The following THTPA variants were observed in gnomAD, a reference collection of about 807,000 sequenced individuals.
THTPA encodes thiamine-triphosphatase.
THTPA carries 16 observed loss-of-function variants against 16.5 expected under a neutral mutation model. That is an observed-to-expected ratio of 0.97 (90% CI 0.66 to 1.47). The LOEUF is 1.47. THTPA is among the 40% of genes most tolerant of loss of function. The pLI is 0.00. For missense variants in THTPA, 281 were observed against 280.9 expected (o/e 1.00, Z 0.00); for synonymous variants, 110 against 115.5 (o/e 0.95, Z 0.30).
the THTPA span, among the ~76,000 whole-genome samples, chr14:23,546,829 G>A: frequency 2.0e-5 from 3 of 152,124 alleles, no homozygotes; most frequent in African/African-American, 4.8e-5. The surrounding 1 kb of genome is among the most constrained non-coding windows in gnomAD (Gnocchi z 4.7). Flanking sequence ...ACTCCGTGGC[G>A]GTGGCTGACA....
At chr14:23,529,717 T>A in the THTPA span, 4 of 1,536,236 alleles carry the variant, frequency 2.6e-6, no homozygotes, top group Non-Finnish European at 3.5e-6. Flanking sequence ...GACCGTGGTC[T>A]GGTTGGCACT....
the THTPA span, among the ~76,000 whole-genome samples, chr14:23,545,699 C>T: frequency 6.6e-6 from 1 of 152,228 alleles, no homozygotes; most frequent in East Asian, 1.9e-4. Flanking sequence ...CATCTGTGGC[C>T]CAAGCAGACC....
the THTPA span, chr14:23,533,582 G>A: frequency 1.5e-5 from 23 of 1,536,500 alleles, no homozygotes; most frequent in African/African-American, 1.5e-4. The surrounding 1 kb of genome is among the most constrained non-coding windows in gnomAD (Gnocchi z 4.8). Context: ...CGCAGGTTAC[G>A]GGAGATGTTT....
At chr14:23,546,151 C>A in the THTPA span, among the ~76,000 whole-genome samples, 1 of 152,324 alleles carries the variant, frequency 6.6e-6, no homozygotes, top group South Asian at 2.1e-4. This position sits in a 1 kb window ranked among gnomAD's most constrained non-coding sequence, Gnocchi z 4.7. Flanking sequence ...ACCAGACTCT[C>A]CATGCATAAA....
At chr14:23,524,615 A>ATGG in the THTPA span, 3 of 1,536,210 alleles carry the variant, frequency 2.0e-6, no homozygotes, top group Non-Finnish European at 2.6e-6. This position sits in a 1 kb window ranked among gnomAD's most constrained non-coding sequence, Gnocchi z 5.6. Context: ...GGAGAAAGAA[A>ATGG]TGGCACACTG....
chr14:23,522,460 G>A, the THTPA span: 6 of 1,536,062 alleles, frequency 3.9e-6, no homozygotes, highest in Admixed American at 9.8e-5. Flanking sequence ...TGGGCTCAGG[G>A]GGCTGGGGTG....
At chr14:23,522,120 G>T in the THTPA span, 2 of 1,532,150 alleles carry the variant, frequency 1.3e-6, no homozygotes, top group East Asian at 2.4e-5. Context: ...GCTGCCTTGC[G>T]CCTGTGGGCC....
chr14:23,538,922 C>T, the THTPA span, among the ~76,000 whole-genome samples: 1,143 of 152,130 alleles, frequency 7.5e-3, 11 homozygotes, highest in African/African-American at 0.026. Flanking sequence ...GTCAATAAAA[C>T]GAGAGGATCA....
At chr14:23,520,121 G>C in the THTPA span, among the ~76,000 whole-genome samples, 2 of 152,202 alleles carry the variant, frequency 1.3e-5, no homozygotes, top group Non-Finnish European at 2.9e-5. The surrounding 1 kb of genome is among the most constrained non-coding windows in gnomAD (Gnocchi z 8.7). Flanking sequence ...TCTAGGTTCT[G>C]TTGGTTCCCT....
At chr14:23,521,879 G>A in the THTPA span, 3 of 1,509,650 alleles carry the variant, frequency 2.0e-6, no homozygotes, top group South Asian at 1.3e-5. Context: ...GTGGGGTGAG[G>A]GATTTGAGCT....
chr14:23,544,829 T>G, the THTPA span, among the ~76,000 whole-genome samples: 1 of 152,168 alleles, frequency 6.6e-6, no homozygotes, highest in Non-Finnish European at 1.5e-5. Context: ...GTTCTTTCCC[T>G]CCGGCTCGCC....
the THTPA span, chr14:23,531,905 T>C: frequency 5.3e-6 from 4 of 751,760 alleles, no homozygotes; most frequent in Non-Finnish European, 5.4e-6. Flanking sequence ...GCCTCCCGAG[T>C]AGCTGGGATT....
At chr14:23,558,496 C>T (rs534618998) in intron 1 of THTPA, among the ~76,000 whole-genome samples, 199 bp from the exon 2 acceptor site, 4 of 152,194 alleles carry the variant, frequency 2.6e-5, no homozygotes, top group Non-Finnish European at 4.4e-5. Flanking sequence ...CCACTCTTGC[C>T]TGAAGTTGCT....
At chr14:23,529,684 C>T in the THTPA span, 2 of 1,534,744 alleles carry the variant, frequency 1.3e-6, no homozygotes, top group Non-Finnish European at 1.7e-6. Flanking sequence ...CCCACTTCAG[C>T]TCTTCCCAGT....
chr14:23,536,408 T>A, the THTPA span, among the ~76,000 whole-genome samples: 755 of 152,308 alleles, frequency 5.0e-3, 3 homozygotes, highest in African/African-American at 0.017. Flanking sequence ...GCAGGCACCA[T>A]GCTTCTCTCC....
the THTPA span, chr14:23,511,818 G>A: frequency 6.6e-6 from 1 of 152,166 alleles, no homozygotes; most frequent in East Asian, 1.9e-4. Flanking sequence ...GCTGGGGTGG[G>A]GAAATGAGCT....
At chr14:23,522,938 G>A in the THTPA span, 149 of 1,441,088 alleles carry the variant, frequency 1.0e-4, no homozygotes, top group African/African-American at 1.3e-4. Context: ...GGAGGCTGCC[G>A]GGCCTAGAAA....
the THTPA span, chr14:23,512,995 G>A: frequency 6.6e-6 from 1 of 152,152 alleles, no homozygotes; most frequent in South Asian, 2.1e-4. Context: ...AAGAGAGAAA[G>A]TGGGTGGGGA....
upstream of THTPA, among the ~76,000 whole-genome samples, chr14:23,552,242 C>T (rs1881168370): frequency 6.6e-6 from 1 of 151,618 alleles, no homozygotes; most frequent in African/African-American, 2.4e-5. Flanking sequence ...GGGGGAGGTT[C>T]GGGCTCCTCC....
Sources: gnomAD v4.1 joint callset for allele counts (sites outside exome capture counted in the v4.1 genomes callset) on GRCh38, gnomAD v4.1.1 for gene constraint, Gnocchi (gnomAD v3.1) non-coding constraint, MANE v1.5 for transcripts, NCBI Gene and HGNC (gene_info 2026-07-23, HGNC 2026-07-21) for gene names.